Variants in SLC39A8 observed in about 807,000 individuals in gnomAD.
SLC39A8 encodes the protein metal cation symporter ZIP8.
SLC39A8 carries 15 observed loss-of-function variants against 40.4 expected under a neutral mutation model. That is an observed-to-expected ratio of 0.37 (90% confidence interval 0.25 to 0.57). SLC39A8 has a LOEUF of 0.57. SLC39A8 is among the 20% of genes least tolerant of loss of function. SLC39A8 has a pLI of 0.75. For synonymous variants in SLC39A8, 223 were observed against 221.6 expected (o/e 1.01, Z -0.06); for missense variants, 472 against 558.8 (o/e 0.84, Z 1.57).
intron 6 of SLC39A8, among the ~76,000 whole-genome samples, chr4:102,291,707 G>T (rs233805): frequency 0.27 from 40,307 of 151,632 alleles, 5,621 homozygotes; most frequent in South Asian, 0.35. Flanking sequence ...AGGATGGGAT[G>T]GCCTAGCACA....
intron 6 of SLC39A8, among the ~76,000 whole-genome samples, chr4:102,301,242 C>G (rs1253579195): frequency 6.6e-6 from 1 of 152,052 alleles, no homozygotes. Flanking sequence ...TGCTCTCCAG[C>G]ATTGATGTGG....
chr4:102,336,357 G>A (rs961267131), intron 2 of SLC39A8, among the ~76,000 whole-genome samples: 7 of 152,150 alleles, frequency 4.6e-5, no homozygotes, highest in Non-Finnish European at 2.9e-5. Flanking sequence ...GAATTTCAGC[G>A]CAAGCTTGCC....
chr4:102,307,108 T>C (rs984336622), intron 4 of SLC39A8, among the ~76,000 whole-genome samples: 26 of 152,056 alleles, frequency 1.7e-4, no homozygotes, highest in African/African-American at 6.3e-4. Context: ...AATAAATAAA[T>C]AAATAAATAA....
chr4:102,307,699 G>T lies in SLC39A8; in HGVS notation c.383-94C>A, dbSNP rs1474009973. On this transcript the variant is annotated intron_variant, in intron 3 of 8. Coordinates refer to ENST00000356736, the MANE Select transcript of SLC39A8 (RefSeq NM_001135146.2). Reference sequence around the variant, plus strand: ...ATTAAGCTTAAAAGTGTCTTTAAAAGCTTAAGACACATATCTTCTTTAAAA... The same window carrying T: ...ATTAAGCTTAAAAGTGTCTTTAAAATCTTAAGACACATATCTTCTTTAAAA... 5 of 1,239,850 alleles carry T rather than the reference G, an allele frequency of 4.0e-6. No individual in the cohort carries two copies. In the Admixed American group the frequency reaches 1.2e-4, roughly 29 times the overall value. The allele number at this position is 1,239,850 out of a possible 1,614,324, so 76.8% of individuals were successfully genotyped here. A position where few individuals can be genotyped will look rare whatever the true frequency, so the allele number is the denominator to read the frequency against.
intron 3 of SLC39A8, among the ~76,000 whole-genome samples, chr4:102,311,289 C>T (rs776119673): frequency 6.6e-6 from 1 of 152,052 alleles, no homozygotes; most frequent in Non-Finnish European, 1.5e-5. Context: ...TTAATGCTGT[C>T]CCTGGAATAT....
intron 2 of SLC39A8, 44 bp downstream of exon 2, chr4:102,344,400 G>A: frequency 1.2e-5 from 16 of 1,368,270 alleles, no homozygotes; most frequent in Non-Finnish European, 1.5e-5. Context: ...TGAAGTCTAG[G>A]GACACCCACA....
chr4:102,297,795 G>A (rs895097677), intron 6 of SLC39A8, among the ~76,000 whole-genome samples: 3 of 152,002 alleles, frequency 2.0e-5, no homozygotes, highest in African/African-American at 7.2e-5. Context: ...GCATGTGCCT[G>A]CAGTCTCAGC....
chr4:102,266,639 C>T (rs1335901558), intron 8 of SLC39A8, among the ~76,000 whole-genome samples: 1 of 151,228 alleles, frequency 6.6e-6, no homozygotes, highest in Non-Finnish European at 1.5e-5. Context: ...GATGGAGTCT[C>T]GTTCTGTCGT....
intron 4 of SLC39A8, among the ~76,000 whole-genome samples, chr4:102,307,200 G>T (rs62327953): frequency 6.6e-6 from 1 of 151,878 alleles, no homozygotes; most frequent in Admixed American, 6.6e-5. Flanking sequence ...TCCCAGAGCT[G>T]TCTGAGCACG....
chr4:102,313,877 C>T lies in SLC39A8; in HGVS notation c.382+1791G>A, dbSNP rs947751229. 6.6e-5 allele frequency among the ~76,000 whole-genome samples: 10 copies of T among 152,098 alleles called. No homozygotes were observed. In the South Asian group the frequency reaches 1.2e-3, roughly 19 times the overall value. ...TGCTGGGATTACAGGGATGAGTCAC[C>T]GTGCCTAGCCCCAGTGTCTTTAAAT... On this transcript the variant is annotated intron_variant, in intron 3 of 8. Coordinates refer to ENST00000356736, the MANE Select transcript of SLC39A8 (RefSeq NM_001135146.2).
chr4:102,304,045 C>A (rs1435320352), intron 6 of SLC39A8, among the ~76,000 whole-genome samples: 2 of 151,676 alleles, frequency 1.3e-5, no homozygotes. Context: ...TGTATAAATG[C>A]AATTGAGAGA....
At chr4:102,291,193 C>G (rs1578580620) in intron 6 of SLC39A8, among the ~76,000 whole-genome samples, 1 of 152,056 alleles carries the variant, frequency 6.6e-6, no homozygotes, top group Non-Finnish European at 1.5e-5. Context: ...CCAGATCCAG[C>G]CTTTCCTCTT....
In SLC39A8 at chr4:102,305,088, GA is replaced by G; in HGVS notation, c.575del (p.Val192AlafsTer25). ...IPEAFGFDPK[V>X]DSYVEKAVAV... is the part of the protein sequence containing the mutation. ...CAACTGCCTTCTCAACATAACTGTC[GA>G]CTTTGGGATCAAATCCAAATGCCTA... is the stretch of plus-strand genomic sequence containing the variant. On this transcript the variant is annotated frameshift_variant, in exon 5 of 9. Transcript: ENST00000356736. LOFTEE classifies it high-confidence loss of function. 6.2e-7 allele frequency: 1 copy of G among 1,608,202 alleles called. No homozygotes were observed. The highest frequency in any genetic ancestry group is 8.5e-7 in the Non-Finnish European group (1 of 1,177,550).
chr4:102,332,194 C>T (rs1735497080), intron 2 of SLC39A8, among the ~76,000 whole-genome samples: 1 of 152,160 alleles, frequency 6.6e-6, no homozygotes, highest in Admixed American at 6.5e-5. Context: ...AGAGCTTCTG[C>T]ACAGCAAAAG....
At chr4:102,323,204 T>C (rs914898188) in intron 2 of SLC39A8, among the ~76,000 whole-genome samples, 2 of 152,228 alleles carry the variant, frequency 1.3e-5, no homozygotes, top group African/African-American at 4.8e-5. Flanking sequence ...ATTCCACTTC[T>C]CCTTCATTCT....
At chr4:102,330,538 C>T (rs1735403660) in intron 2 of SLC39A8, among the ~76,000 whole-genome samples, 1 of 152,050 alleles carries the variant, frequency 6.6e-6, no homozygotes, top group African/African-American at 2.4e-5. Flanking sequence ...TAATAGCCTA[C>T]CAATCAAAAA....
At chr4:102,316,036 A>AT (rs1734642089) in intron 2 of SLC39A8, among the ~76,000 whole-genome samples, 1 of 151,892 alleles carries the variant, frequency 6.6e-6, no homozygotes, top group African/African-American at 2.4e-5. Flanking sequence ...AAAAAAAAAA[A>AT]TCCCTTCTTA....
In SLC39A8 at chr4:102,267,657, G is replaced by A. The variant is rs1215346562; in HGVS notation, c.1066C>T (p.Leu356Phe). ...PHELGDFVIL[L>F]NAGMSTRQAL... ...TGTCGAGTGCTCATCCCTGCATTGA[G>A]TAGGATCACAAAGTCTCCTAGAAGA... Residue 356 changes from leucine to phenylalanine, a missense_variant, in exon 8 of 9, where the codon CTC becomes TTC. Physicochemically the swap from Leu to Phe is conservative, Grantham distance 22 (BLOSUM62 0). Coordinates refer to ENST00000356736, the MANE Select transcript of SLC39A8 (RefSeq NM_001135146.2). 2 of 1,591,934 alleles carry A rather than the reference G, an allele frequency of 1.3e-6. No individual in the cohort carries two copies. The highest frequency in any genetic ancestry group is 1.7e-6 in the Non-Finnish European group (2 of 1,173,120).
intron 8 of SLC39A8, among the ~76,000 whole-genome samples, chr4:102,266,761 C>T (rs1350777979): frequency 6.6e-6 from 1 of 152,152 alleles, no homozygotes; most frequent in Non-Finnish European, 1.5e-5. Flanking sequence ...GCGCCCGCCA[C>T]CACGCCCGGC....
Sources: gnomAD v4.1 joint callset for allele counts (sites outside exome capture counted in the v4.1 genomes callset) on GRCh38, gnomAD v4.1.1 for gene constraint, MANE v1.5 for transcripts, NCBI Gene and HGNC (gene_info 2026-07-23, HGNC 2026-07-21) for gene names.